The following CHSY3 variants were observed in gnomAD, a reference collection of about 807,000 sequenced individuals.
The protein encoded by CHSY3 is N-acetylgalactosaminyl-proteoglycan 3-beta-glucuronosyltransferase 3.
In CHSY3, 35 loss-of-function variants were observed where a neutral mutation model predicts 67.2. The ratio of observed to expected loss-of-function variants is 0.52; its 90% CI spans 0.40 to 0.69. The LOEUF is 0.69. Among genes scored for constraint, CHSY3 ranks in the 30% least tolerant of loss-of-function variants. The pLI, the probability that CHSY3 is intolerant of heterozygous loss-of-function variation, is 0.00. For synonymous variants in CHSY3, 474 were observed against 434.7 expected (o/e 1.09, Z -1.12); for missense variants, 1,069 against 1,138.5 (o/e 0.94, Z 0.88).
At chr5:130,104,639 A>G (rs1234443659) in intron 2 of CHSY3, among the ~76,000 whole-genome samples, 1 of 151,764 alleles carries the variant, frequency 6.6e-6, no homozygotes, top group Non-Finnish European at 1.5e-5. Context: ...TATTTCTTTA[A>G]AGGTGCTATT....
chr5:130,042,265 A>G (rs1398455900), intron 2 of CHSY3, among the ~76,000 whole-genome samples: 1 of 152,102 alleles, frequency 6.6e-6, no homozygotes, highest in African/African-American at 2.4e-5. Context: ...CCTCTGTTAC[A>G]GGATATCATT....
intron 2 of CHSY3, among the ~76,000 whole-genome samples, chr5:130,102,825 T>G (rs552889077): frequency 2.8e-4 from 42 of 152,212 alleles, no homozygotes; most frequent in African/African-American, 9.9e-4. Context: ...ATTTCAAAAC[T>G]GTTTTCTGCT....
chr5:130,184,713 A>G lies in CHSY3; in HGVS notation c.1571A>G (p.Tyr524Cys). Residue 524 changes from tyrosine to cysteine, a missense_variant, in exon 3 of 3, where the codon TAT becomes TGT. Coordinates refer to ENST00000305031, the MANE Select transcript of CHSY3 (RefSeq NM_175856.5). ...CTCATTGACTTCAAGGAAATTCAGT[A>G]TGGCTACCGCAGAGTTAACCCCATG... ...GRLIDFKEIQ[Y>C]GYRRVNPMHG... 6.2e-7 allele frequency: 1 copy of G among 1,609,798 alleles called. No individual in the cohort carries two copies. Among genetic ancestry groups the G allele is most frequent in the Non-Finnish European group, 8.5e-7 (1 of 1,176,042 alleles).
intron 2 of CHSY3, among the ~76,000 whole-genome samples, chr5:129,945,502 A>G (rs1580563473): frequency 8.3e-6 from 1 of 121,048 alleles, no homozygotes; most frequent in African/African-American, 3.4e-5. Flanking sequence ...GAAATTACTC[A>G]TAAACATTGA....
At chr5:129,905,904 A>G in intron 1 of CHSY3, 2 of 649,974 alleles carry the variant, frequency 3.1e-6, no homozygotes, top group Non-Finnish European at 2.4e-6. Flanking sequence ...CTTGTCCCTT[A>G]GTCTTTACCT....
intron 2 of CHSY3, among the ~76,000 whole-genome samples, chr5:130,178,187 G>GTA (rs1241887028): frequency 4.8e-4 from 59 of 121,920 alleles, no homozygotes; most frequent in African/African-American, 1.4e-3. Flanking sequence ...ATGTGTGTGT[G>GTA]TATATATATA....
chr5:130,017,656 A>C (rs4386757), intron 2 of CHSY3, among the ~76,000 whole-genome samples: 80,625 of 151,878 alleles, frequency 0.53, 21,812 homozygotes, highest in East Asian at 0.61. Context: ...AGTGATGTTT[A>C]CATTTATTTA....
intron 2 of CHSY3, among the ~76,000 whole-genome samples, chr5:130,099,333 A>T (rs1435275016): frequency 6.6e-6 from 1 of 152,220 alleles, no homozygotes; most frequent in Non-Finnish European, 1.5e-5. Context: ...ACCTCCTTTG[A>T]TATGCTGGTA....
chr5:130,180,568 TTAAGACTGG>T (rs1185507058), intron 2 of CHSY3, among the ~76,000 whole-genome samples: 1 of 152,160 alleles, frequency 6.6e-6, no homozygotes, highest in African/African-American at 2.4e-5. Context: ...AGTTTCTCAG[TTAAGACTGG>T]GCACGGTGCC....
intron 2 of CHSY3, among the ~76,000 whole-genome samples, chr5:130,050,961 C>CA (rs1204130323): frequency 6.6e-6 from 1 of 151,058 alleles, no homozygotes; most frequent in African/African-American, 2.4e-5. Context: ...GCAGCTATTA[C>CA]AAAAAATATG....
rs1767529828 is a variant in CHSY3 at position 130,109,690 on chromosome 5, TA to T, written c.1087-74537del. On this transcript the variant is annotated intron_variant, in intron 2 of 2. Coordinates refer to ENST00000305031, the MANE Select transcript of CHSY3 (RefSeq NM_175856.5). Reference sequence around the variant, plus strand: ...ACACACTTTCCTATTCTGAGGAGAGTAATTTTTTTTTTAAGTGCATATTTAC... The same window carrying T: ...ACACACTTTCCTATTCTGAGGAGAGTATTTTTTTTTTAAGTGCATATTTAC... Among the ~76,000 whole-genome samples the T allele has an allele frequency of 2.0e-5, 3 of 151,210 alleles. No homozygotes were observed. The South Asian group carries it at 6.2e-4, about 31-fold the overall frequency.
chr5:130,020,440 TATATATATATATATATATA>T (rs1402307793), intron 2 of CHSY3, among the ~76,000 whole-genome samples: 514 of 18,168 alleles, frequency 0.028, 23 homozygotes, highest in African/African-American at 0.059. Flanking sequence ...TATATATATA[TATATATATATATATATATA>T]TATTTTTTTT....
chr5:130,182,932 A>T, intron 2 of CHSY3, among the ~76,000 whole-genome samples: 2 of 142,358 alleles, frequency 1.4e-5, no homozygotes, highest in East Asian at 2.1e-4. Context: ...TTTTAAGCTT[A>T]TTTGTCTATT....
chr5:130,080,478 C>T (rs1037964509), intron 2 of CHSY3, among the ~76,000 whole-genome samples: 5 of 152,026 alleles, frequency 3.3e-5, no homozygotes, highest in Non-Finnish European at 7.4e-5. Context: ...AAGTTTATTA[C>T]TTTGTTCATA....
At chr5:130,044,091 A>G (rs1316559658) in intron 2 of CHSY3, among the ~76,000 whole-genome samples, 1 of 152,142 alleles carries the variant, frequency 6.6e-6, no homozygotes, top group Non-Finnish European at 1.5e-5. Flanking sequence ...AGCAAATATA[A>G]AAGGCATTTA....
intron 2 of CHSY3, among the ~76,000 whole-genome samples, chr5:130,117,387 A>G (rs1416901550): frequency 2.0e-5 from 3 of 152,222 alleles, no homozygotes; most frequent in African/African-American, 7.2e-5. Flanking sequence ...ATGAAGCCCA[A>G]AGAAGTTCCA....
At chr5:130,038,629 C>CT (rs1764924056) in intron 2 of CHSY3, among the ~76,000 whole-genome samples, 2 of 152,106 alleles carry the variant, frequency 1.3e-5, no homozygotes, top group African/African-American at 2.4e-5. Context: ...GGAATTTCCA[C>CT]TTTCCTCTCC....
intron 2 of CHSY3, among the ~76,000 whole-genome samples, chr5:129,941,925 G>A (rs1162702910): frequency 6.6e-6 from 1 of 152,148 alleles, no homozygotes; most frequent in Non-Finnish European, 1.5e-5. Context: ...ATCGCTCACA[G>A]AACTCAGGGA....
At chr5:130,158,581 A>G (rs966772286) in intron 2 of CHSY3, among the ~76,000 whole-genome samples, 1 of 152,166 alleles carries the variant, frequency 6.6e-6, no homozygotes, top group Non-Finnish European at 1.5e-5. Context: ...TAAAGTGCCC[A>G]ATATTATGCT....
Sources: gnomAD v4.1 joint callset for allele counts (sites outside exome capture counted in the v4.1 genomes callset) on GRCh38, gnomAD v4.1.1 for gene constraint, MANE v1.5 for transcripts, NCBI Gene and HGNC (gene_info 2026-07-23, HGNC 2026-07-21) for gene names.